Variants in IGF2BP3 observed in about 807,000 individuals in gnomAD.
IGF2BP3 encodes insulin like growth factor 2 mRNA binding protein 3.
In IGF2BP3, 9 loss-of-function variants were observed where a neutral mutation model predicts 73.8. The observed-to-expected ratio is 0.12, with a 90% CI of 0.07 to 0.21. IGF2BP3 has a LOEUF of 0.21. Ranked by LOEUF, IGF2BP3 falls within the 10% of genes least tolerant of loss-of-function variation. IGF2BP3 has a pLI of 1.00. For synonymous variants in IGF2BP3, 258 were observed against 256.7 expected, an observed-to-expected ratio of 1.01 and a Z score of -0.05; for missense variants, 542 against 714.0, an observed-to-expected ratio of 0.76 and a Z score of 2.75.
Position 23,469,079 on chromosome 7 carries a change from G to A in IGF2BP3, c.176-537C>T, listed in dbSNP as rs183114238. 6.7e-3 allele frequency among the ~76,000 whole-genome samples: 1,024 copies of A among 152,310 alleles called. 14 individuals carry two copies. The highest frequency in any genetic ancestry group is 0.022 in the African/African-American group (918 of 41,580). ...GCAGAGGCGCAGCTCGGCACAGGCT[G>A]AACCAGGCGCGAAGGACGGCGAGGC... On this transcript the variant is annotated intron_variant, in intron 1 of 14. Coordinates refer to ENST00000258729, the MANE Select transcript of IGF2BP3 (RefSeq NM_006547.3). The surrounding 1 kb of genome is among the most constrained non-coding windows in gnomAD (Gnocchi z 6.1).
intron 3 of IGF2BP3, among the ~76,000 whole-genome samples, chr7:23,365,083 T>C (rs1024363752): frequency 2.6e-5 from 4 of 152,080 alleles, no homozygotes; most frequent in Non-Finnish European, 5.9e-5. Context: ...GGAGAATTGC[T>C]TGAACCTGGG....
intron 2 of IGF2BP3, among the ~76,000 whole-genome samples, chr7:23,429,198 C>T (rs1465337849): frequency 2.6e-5 from 4 of 152,138 alleles, no homozygotes; most frequent in African/African-American, 9.7e-5. Flanking sequence ...TGGGTTCATA[C>T]TGATTATTTC....
At chr7:23,461,288 T>TC (rs1182974608) in intron 2 of IGF2BP3, among the ~76,000 whole-genome samples, 1 of 152,156 alleles carries the variant, frequency 6.6e-6, no homozygotes, top group Non-Finnish European at 1.5e-5. Flanking sequence ...ATAGGCTCAG[T>TC]CCCTTGATGA....
chr7:23,317,792 G>T, intron 11 of IGF2BP3, 79 bp from the exon 12 acceptor site: 1 of 1,098,832 alleles, frequency 9.1e-7, no homozygotes. Flanking sequence ...CCTAACATTT[G>T]CATGTGACTG....
In IGF2BP3 at chr7:23,330,594, T is replaced by C. The variant is rs182820505; in HGVS notation, c.1204-11340A>G. ...AGTCAGTTATTTTTATTTTGAAAAA[T>C]AGGGGTGGACTGAAGATTAAGAACT... On this transcript the variant is annotated intron_variant, in intron 10 of 14. Transcript: ENST00000258729. Among the ~76,000 whole-genome samples, 213 of 152,034 alleles carry C rather than the reference T, an allele frequency of 1.4e-3. 1 individual carries two copies. The highest frequency in any genetic ancestry group is 4.6e-3 in the African/African-American group (192 of 41,460).
At chr7:23,366,422 GCCA>G (rs1785373782) in intron 3 of IGF2BP3, among the ~76,000 whole-genome samples, 1 of 152,060 alleles carries the variant, frequency 6.6e-6, no homozygotes, top group South Asian at 2.1e-4. Context: ...ACAGGTGTGA[GCCA>G]CCACACCTGG....
intron 3 of IGF2BP3, among the ~76,000 whole-genome samples, chr7:23,384,977 A>G (rs1341190988): frequency 1.3e-5 from 2 of 152,168 alleles, no homozygotes; most frequent in Non-Finnish European, 2.9e-5. Context: ...TCAACTTATA[A>G]TGGGATTATC....
At chr7:23,358,958 A>G (rs1482696729) in intron 5 of IGF2BP3, among the ~76,000 whole-genome samples, 1 of 152,254 alleles carries the variant, frequency 6.6e-6, no homozygotes, top group African/African-American at 2.4e-5. Context: ...TTTGGTCAGT[A>G]TTTAGTATTT....
At chr7:23,333,902 T>G (rs969407449) in intron 10 of IGF2BP3, among the ~76,000 whole-genome samples, 7 of 152,210 alleles carry the variant, frequency 4.6e-5, no homozygotes, top group African/African-American at 1.7e-4. Flanking sequence ...TTCCTATCCA[T>G]GAAGCATCTT....
chr7:23,313,500 C>T (rs1783890524), intron 13 of IGF2BP3, 22 bp downstream of exon 13: 3 of 1,612,460 alleles, frequency 1.9e-6, no homozygotes, highest in East Asian at 2.2e-5. Context: ...TACCACTGCA[C>T]AGGTTTTGCT....
chr7:23,334,285 G>A (rs1784517597), intron 10 of IGF2BP3, among the ~76,000 whole-genome samples: 2 of 152,150 alleles, frequency 1.3e-5, no homozygotes, highest in South Asian at 4.1e-4. Flanking sequence ...CCAAGATCAT[G>A]ACACTGCACT....
At chr7:23,334,199 G>A (rs1417529199) in intron 10 of IGF2BP3, among the ~76,000 whole-genome samples, 6 of 152,084 alleles carry the variant, frequency 3.9e-5, no homozygotes, top group South Asian at 2.1e-4. Context: ...AGCTGGGCAC[G>A]TGACTGTAAT....
chr7:23,337,242 A>T (rs1286567350), intron 10 of IGF2BP3, among the ~76,000 whole-genome samples: 1 of 152,208 alleles, frequency 6.6e-6, no homozygotes, highest in Admixed American at 6.5e-5. Context: ...TAAGCCAGAA[A>T]ATTGCCTAGC....
At chr7:23,384,942 A>G (rs1786035809) in intron 3 of IGF2BP3, among the ~76,000 whole-genome samples, 1 of 152,178 alleles carries the variant, frequency 6.6e-6, no homozygotes, top group Non-Finnish European at 1.5e-5. Context: ...AGGTGTATTA[A>G]ATGAATTTTC....
At chr7:23,360,495 G>A (rs563139777) in intron 5 of IGF2BP3, among the ~76,000 whole-genome samples, 1 of 152,264 alleles carries the variant, frequency 6.6e-6, no homozygotes, top group East Asian at 1.9e-4. Flanking sequence ...GAATAATACT[G>A]GGAGGAAGAT....
At chr7:23,425,073 G>A (rs1279136033) in intron 2 of IGF2BP3, among the ~76,000 whole-genome samples, 1 of 152,200 alleles carries the variant, frequency 6.6e-6, no homozygotes, top group African/African-American at 2.4e-5. Context: ...GCTCCTAGAA[G>A]TGATTAGCAA....
At chr7:23,408,908 C>T (rs1468871588) in intron 3 of IGF2BP3, among the ~76,000 whole-genome samples, 3 of 152,136 alleles carry the variant, frequency 2.0e-5, no homozygotes, top group Non-Finnish European at 4.4e-5. Context: ...CGACAGCGGT[C>T]CCCAACTATT....
At chr7:23,312,662 C>T in intron 14 of IGF2BP3, 73 bp downstream of exon 14, 1 of 1,079,862 alleles carries the variant, frequency 9.3e-7, no homozygotes, top group East Asian at 2.5e-5. Context: ...CTAATTCTAT[C>T]AGGTAGGAGC....
At chr7:23,385,962 A>T (rs1786069677) in intron 3 of IGF2BP3, among the ~76,000 whole-genome samples, 1 of 152,176 alleles carries the variant, frequency 6.6e-6, no homozygotes, top group Non-Finnish European at 1.5e-5. Context: ...ATATGTGATG[A>T]TATTGATTTT....
Sources: gnomAD v4.1 joint callset for allele counts (sites outside exome capture counted in the v4.1 genomes callset) on GRCh38, gnomAD v4.1.1 for gene constraint, Gnocchi (gnomAD v3.1) non-coding constraint, MANE v1.5 for transcripts, NCBI Gene and HGNC (gene_info 2026-07-23, HGNC 2026-07-21) for gene names.